Variants in TFAP2B observed in about 807,000 individuals in gnomAD.
TFAP2B encodes transcription factor AP-2-beta.
TFAP2B carries 9 observed loss-of-function variants against 44.3 expected under a neutral mutation model. That is an observed-to-expected ratio of 0.20 (90% CI 0.12 to 0.35). The LOEUF (loss-of-function observed/expected upper bound fraction) is 0.35. TFAP2B is among the 10% of genes least tolerant of loss of function. TFAP2B has a pLI of 1.00. For synonymous variants in TFAP2B, 270 were observed against 263.8 expected, an observed-to-expected ratio of 1.02 and a Z score of -0.23; for missense variants, 509 against 600.0, an observed-to-expected ratio of 0.85 and a Z score of 1.59.
Position 50,823,452 on chromosome 6 carries a change from C to A in TFAP2B, c.127C>A (p.Leu43Met). 6.2e-7 allele frequency: 1 copy of A among 1,609,698 alleles called. No homozygotes were observed. Among genetic ancestry groups the A allele is most frequent in the Admixed American group, 1.7e-5 (1 of 59,590 alleles). ...VPSHSSRLSQLGSVSQGPYSS... is the reference protein window; with the variant it reads ...VPSHSSRLSQMGSVSQGPYSS... ...GAGCCACAGCTCGCGGCTCTCCCAG[C>A]TGGGCTCGGTGTCCCAAGGACCCTA... The change falls in exon 2 of 7, where the codon CTG becomes ATG. Residue 43 changes from leucine (L) to methionine (M), a missense_variant. Leu to Met is a conservative substitution (Grantham distance 15). Transcript: ENST00000393655.
rs1762789625 is a variant in TFAP2B at position 50,844,007 on chromosome 6, C to T, written c.*615C>T. On this transcript the variant is annotated 3_prime_UTR_variant, in exon 7 of 7. Transcript: ENST00000393655. ...TCCTCTCGGTACCTCCCCGCCCAGC[C>T]CTGCGATCTTAACTCACCGGGCCCG... 6.5e-6 allele frequency: 1 copy of T among 152,804 alleles called. No individual in the cohort carries two copies. Among genetic ancestry groups the T allele is most frequent in the Admixed American group, 6.5e-5 (1 of 15,298 alleles). 9.5% of individuals were successfully genotyped at this position (152,804 alleles called of 1,614,324 possible).
At position 50,838,229 on chromosome 6, in the gene TFAP2B, T is replaced by G. The variant is rs2817404; in HGVS notation, c.940+136T>G. 0.88 allele frequency: 710,313 copies of G among 805,374 alleles called. 314,139 individuals carry two copies. Among genetic ancestry groups the G allele is most frequent in the East Asian group, 1 (39,565 of 39,580 alleles). The allele number at this position is 805,374 out of a possible 1,614,324, so 49.9% of individuals were successfully genotyped here. A position where few individuals can be genotyped will look rare whatever the true frequency, so the allele number is the denominator to read the frequency against. ...CTTATGAGCTGGATGTCAAGCGGCT[T>G]CTTGAGAGAGGTTCAAAGGTCCTTT... On this transcript the variant is annotated intron_variant, in intron 5 of 6. Coordinates refer to ENST00000393655, the MANE Select transcript of TFAP2B (RefSeq NM_003221.4).
chr6:50,839,231 G>A (rs1274605443), intron 5 of TFAP2B, among the ~76,000 whole-genome samples: 1 of 152,154 alleles, frequency 6.6e-6, no homozygotes, highest in Non-Finnish European at 1.5e-5. Context: ...GAGAAGGGAG[G>A]AAACTGGAAA....
chr6:50,842,588 T>G (rs1479442783), intron 6 of TFAP2B, among the ~76,000 whole-genome samples: 1 of 152,198 alleles, frequency 6.6e-6, no homozygotes, highest in Non-Finnish European at 1.5e-5. Flanking sequence ...AATAAACAGT[T>G]TCTTGCCCTG....
intron 2 of TFAP2B, among the ~76,000 whole-genome samples, chr6:50,824,489 A>T (rs1208365469): frequency 1.2e-4 from 18 of 152,208 alleles, no homozygotes; most frequent in Admixed American, 7.2e-4. Context: ...GAGAAATAGA[A>T]TATATGTGAA....
Position 50,843,442 on chromosome 6 carries a change from CAG to C in TFAP2B, c.*52_*53del. On this transcript the variant is annotated 3_prime_UTR_variant, in exon 7 of 7. Transcript: ENST00000393655. Reference sequence around the variant, plus strand: ...AATGTTTTAAATACAAAAGGAAAAACAGACAAAAATTTAATTTTAGCTTTAAA... The same window carrying C: ...AATGTTTTAAATACAAAAGGAAAAACACAAAAATTTAATTTTAGCTTTAAA... 3 of 1,556,262 alleles carry C rather than the reference CAG, an allele frequency of 1.9e-6. No individual in the cohort carries two copies. The highest frequency in any genetic ancestry group is 2.6e-6 in the Non-Finnish European group (3 of 1,146,056).
In TFAP2B at chr6:50,845,056, G is replaced by A. The variant is rs989887157; in HGVS notation, c.*1664G>A. 1 of 152,094 alleles carries A rather than the reference G, an allele frequency of 6.6e-6. No homozygotes were observed. Among genetic ancestry groups the A allele is most frequent in the African/African-American group, 2.4e-5 (1 of 41,402 alleles). 9.4% of individuals were successfully genotyped at this position (152,094 alleles called of 1,614,324 possible). ...AGCTCCTTTCTTGGGCTCCATCTTA[G>A]CATTATCATGAAATAAGATCTGGAA... On this transcript the variant is annotated 3_prime_UTR_variant, in exon 7 of 7. Transcript: ENST00000393655.
At chr6:50,825,509 C>G (rs1245954874) in intron 2 of TFAP2B, among the ~76,000 whole-genome samples, 1 of 152,074 alleles carries the variant, frequency 6.6e-6, no homozygotes, top group African/African-American at 2.4e-5. Context: ...AAAGAAGGAG[C>G]AGTTTTCTTT....
Position 50,823,862 on chromosome 6 carries a change from C to A in TFAP2B, c.537C>A (p.Val179=). The change falls in exon 2 of 7, where the codon GTC becomes GTA. Residue 179 remains valine (V), a synonymous_variant. Transcript: ENST00000393655. ...TCGGCCATCCCGGAATGGAAGACGT[C>A]CAGGTAACCACAAACAAACAAACAA... ...HGLGHPGMED[V]QSVEDANNSG... is the part of the protein sequence containing the mutation. The A allele has an allele frequency of 6.5e-7, 1 of 1,537,700 alleles. No homozygotes were observed. Among genetic ancestry groups the A allele is most frequent in the South Asian group, 1.2e-5 (1 of 84,384 alleles).
At chr6:50,826,336 C>T (rs1770502401) in intron 2 of TFAP2B, among the ~76,000 whole-genome samples, 1 of 152,174 alleles carries the variant, frequency 6.6e-6, no homozygotes, top group Non-Finnish European at 1.5e-5. Flanking sequence ...GCTGCCCTGC[C>T]TATGGGTCGA....
chr6:50,825,037 G>GA (rs891532898), intron 2 of TFAP2B, among the ~76,000 whole-genome samples: 14 of 151,940 alleles, frequency 9.2e-5, no homozygotes, highest in East Asian at 1.9e-4. Context: ...GTACCTTGCT[G>GA]AAAAAAAATA....
intron 3 of TFAP2B, among the ~76,000 whole-genome samples, chr6:50,833,976 C>A (rs1237198346): frequency 1.3e-5 from 2 of 152,088 alleles, no homozygotes; most frequent in Non-Finnish European, 2.9e-5. Context: ...TAATTCATAT[C>A]ATGTTAAAAT....
chr6:50,829,948 A>ATCTC (rs60307026), intron 3 of TFAP2B, among the ~76,000 whole-genome samples: 3 of 150,038 alleles, frequency 2.0e-5, no homozygotes, highest in African/African-American at 7.3e-5. Context: ...TGCTTCAAAC[A>ATCTC]TCTCTCTCTC....
intron 1 of TFAP2B, 61 bp downstream of exon 1, chr6:50,819,033 A>G: frequency 7.1e-7 from 1 of 1,413,788 alleles, no homozygotes; most frequent in Non-Finnish European, 1.0e-6. Context: ...GAGCTTCTTG[A>G]TACCCCAAAT....
At chr6:50,818,587 T>G, upstream of TFAP2B, 2 of 324,004 alleles carry the variant, frequency 6.2e-6, no homozygotes, top group African/African-American at 2.1e-5. Context: ...TAAATGCACA[T>G]TTGGAGTCTG....
intron 1 of TFAP2B, among the ~76,000 whole-genome samples, chr6:50,820,460 TAAGAG>T (rs1770310148): frequency 6.6e-6 from 1 of 151,930 alleles, no homozygotes; most frequent in African/African-American, 2.4e-5. Flanking sequence ...GAGGAGGAGA[TAAGAG>T]AGGAGAGGGA....
At chr6:50,822,966 G>T (rs553987557) in intron 1 of TFAP2B, among the ~76,000 whole-genome samples, 2 of 152,162 alleles carry the variant, frequency 1.3e-5, no homozygotes, top group Non-Finnish European at 2.9e-5. Context: ...GTTGTGATTT[G>T]TACCTCTGGA....
intron 3 of TFAP2B, among the ~76,000 whole-genome samples, chr6:50,831,434 T>C (rs1770666762): frequency 6.6e-6 from 1 of 152,182 alleles, no homozygotes; most frequent in African/African-American, 2.4e-5. Context: ...TTAAGCTGCC[T>C]AGTCTCAACT....
chr6:50,832,080 A>T (rs577251359), intron 3 of TFAP2B, among the ~76,000 whole-genome samples: 22 of 152,342 alleles, frequency 1.4e-4, no homozygotes, highest in African/African-American at 5.3e-4. Flanking sequence ...CTGACCTAGA[A>T]GGTAAAATGC....
Sources: gnomAD v4.1 joint callset for allele counts (sites outside exome capture counted in the v4.1 genomes callset) on GRCh38, gnomAD v4.1.1 for gene constraint, MANE v1.5 for transcripts, NCBI Gene and HGNC (gene_info 2026-07-23, HGNC 2026-07-21) for gene names.